RPH3AL: variants seen among roughly 807,000 people sequenced by gnomAD.
RPH3AL encodes the protein rabphilin 3A like (without C2 domains).
In RPH3AL, 38 loss-of-function variants were observed where a neutral mutation model predicts 43.1. The observed-to-expected ratio is 0.88, with a 90% CI of 0.68 to 1.15. The LOEUF is 1.15. Ranked by LOEUF, RPH3AL falls within the 50% of genes most tolerant of loss-of-function variation. The pLI is 0.00. For missense variants in RPH3AL, 462 were observed against 423.2 expected, an observed-to-expected ratio of 1.09 and a Z score of -0.81; for synonymous variants, 189 against 176.3, an observed-to-expected ratio of 1.07 and a Z score of -0.57.
intron 5 of RPH3AL, among the ~76,000 whole-genome samples, chr17:305,501 T>C (rs2043462976): frequency 6.6e-6 from 1 of 152,088 alleles, no homozygotes; most frequent in African/African-American, 2.4e-5. Context: ...ACAGGTCGGT[T>C]CCTTCTCCAC....
chr17:222,831 G>A (rs891052734), intron 7 of RPH3AL, among the ~76,000 whole-genome samples: 2 of 152,020 alleles, frequency 1.3e-5, no homozygotes, highest in African/African-American at 4.8e-5. Context: ...TCTTCCTCTT[G>A]GTTTCCACAG....
In RPH3AL at chr17:323,452, A is replaced by C. The variant is rs962398482; in HGVS notation, c.78-2037T>G. ...ACATGCAGGGGTTCAGGCCCCAAAA[A>C]GCAATATCCCCTCCACAACCCCTAC... On this transcript the variant is annotated intron_variant, in intron 3 of 9. Transcript: ENST00000331302. The surrounding 1 kb of genome is among the most constrained non-coding windows in gnomAD (Gnocchi z 4.4). 5.3e-5 allele frequency among the ~76,000 whole-genome samples: 8 copies of C among 152,142 alleles called. No homozygotes were observed. In the South Asian group the frequency reaches 6.2e-4, roughly 12 times the overall value.
At chr17:285,446 C>G (rs73278949) in intron 5 of RPH3AL, among the ~76,000 whole-genome samples, 5 of 152,066 alleles carry the variant, frequency 3.3e-5, no homozygotes, top group Admixed American at 2.0e-4. Flanking sequence ...GCAACCAGCA[C>G]GTAATAGCGA....
intron 5 of RPH3AL, among the ~76,000 whole-genome samples, chr17:314,061 T>A (rs966934692): frequency 4.6e-5 from 7 of 152,090 alleles, no homozygotes; most frequent in Non-Finnish European, 7.4e-5. Context: ...GGGACCCACA[T>A]CCAGCTGAGG....
chr17:329,246 G>A (rs1468416988), intron 2 of RPH3AL, among the ~76,000 whole-genome samples: 1 of 152,188 alleles, frequency 6.6e-6, no homozygotes. Flanking sequence ...GCCAAGGCAG[G>A]AGGATTGCTT....
rs1253100740 is a variant in RPH3AL at position 283,348 on chromosome 17, G to T, written c.352-1494C>A. Among the ~76,000 whole-genome samples the T allele has an allele frequency of 6.6e-6, 1 of 152,164 alleles. No individual in the cohort carries two copies. Among genetic ancestry groups the T allele is most frequent in the African/African-American group, 2.4e-5 (1 of 41,436 alleles). ...TGGCCGAGCTCAGTGCCCCTGGGGTGGGGGAGCAAACTCACGGGGGACGGA... is the reference window on the plus strand; with the variant it reads ...TGGCCGAGCTCAGTGCCCCTGGGGTTGGGGAGCAAACTCACGGGGGACGGA... On this transcript the variant is annotated intron_variant, in intron 5 of 9. Coordinates refer to ENST00000331302, the MANE Select transcript of RPH3AL (RefSeq NM_006987.4). The surrounding 1 kb of genome is among the most constrained non-coding windows in gnomAD (Gnocchi z 4.2).
rs143228283 is a variant in RPH3AL at position 240,201 on chromosome 17, C to T, written c.613+6910G>A. Among the ~76,000 whole-genome samples the T allele has an allele frequency of 6.5e-3, 955 of 147,380 alleles. 8 individuals are homozygous for T. Among genetic ancestry groups the T allele is most frequent in the African/African-American group, 0.022 (879 of 40,408 alleles). ...GCAGTGAGCTGAGATCATGCCATTGCACTCCAGCCTGGGCAACAAGAGTGA... is the reference window on the plus strand; with the variant it reads ...GCAGTGAGCTGAGATCATGCCATTGTACTCCAGCCTGGGCAACAAGAGTGA... On this transcript the variant is annotated intron_variant, in intron 7 of 9. Transcript: ENST00000331302.
intron 1 of RPH3AL, among the ~76,000 whole-genome samples, chr17:346,001 G>A (rs1411211307): frequency 7.4e-6 from 1 of 135,392 alleles, no homozygotes; most frequent in African/African-American, 2.5e-5. Context: ...GTCTGTCAAT[G>A]ATCAATTAGG....
rs2041727241 is a variant in RPH3AL, at chr17:245,270, T to A, written c.613+1841A>T. 6.6e-6 allele frequency among the ~76,000 whole-genome samples: 1 copy of A among 150,576 alleles called. No individual in the cohort carries two copies. The highest frequency in any genetic ancestry group is 2.4e-5 in the African/African-American group (1 of 40,872). On this transcript the variant is annotated intron_variant, in intron 7 of 9. Transcript: ENST00000331302. The surrounding 1 kb of genome is among the most constrained non-coding windows in gnomAD (Gnocchi z 5.9). ...GAGCATGTGTGTGTGCACGTGGATGTCAGTGTGTGTGTACGTGGGTGTGTG... is the reference window on the plus strand; with the variant it reads ...GAGCATGTGTGTGTGCACGTGGATGACAGTGTGTGTGTACGTGGGTGTGTG...
intron 1 of RPH3AL, among the ~76,000 whole-genome samples, chr17:347,532 C>T (rs560277032): frequency 1.4e-4 from 21 of 151,826 alleles, no homozygotes; most frequent in Admixed American, 3.3e-4. Flanking sequence ...GGCAGGGAGC[C>T]GTGACTGTAC....
chr17:307,079 C>T (rs1040729881), intron 5 of RPH3AL, among the ~76,000 whole-genome samples: 2 of 152,160 alleles, frequency 1.3e-5, no homozygotes, highest in African/African-American at 4.8e-5. Flanking sequence ...TCACCCATGG[C>T]AGGTCCTCCC....
intron 2 of RPH3AL, chr17:331,802 G>A: frequency 7.8e-7 from 1 of 1,289,164 alleles, no homozygotes; most frequent in Non-Finnish European, 1.0e-6. Context: ...CTTAAAAGCA[G>A]GGTCCTGAAA....
rs976369656 is a variant in RPH3AL, at chr17:274,747, G to A, written c.438+7021C>T. Among the ~76,000 whole-genome samples the A allele has an allele frequency of 6.6e-6, 1 of 152,192 alleles. No individual in the cohort carries two copies. The highest frequency in any genetic ancestry group is 6.5e-5 in the Admixed American group (1 of 15,272). Reference sequence around the variant, plus strand: ...ACGCCTTGGAGTCAATCCTGGGTCTGCGGGGCTTAGGCTGCTGCAGAAGCG... The same window carrying A: ...ACGCCTTGGAGTCAATCCTGGGTCTACGGGGCTTAGGCTGCTGCAGAAGCG... On this transcript the variant is annotated intron_variant, in intron 6 of 9. Coordinates refer to ENST00000331302, the MANE Select transcript of RPH3AL (RefSeq NM_006987.4). This position sits in a 1 kb window ranked among gnomAD's most constrained non-coding sequence, Gnocchi z 4.7.
rs1302355150 is a variant in RPH3AL, at chr17:322,062, C to G, written c.78-647G>C. The stretch of plus-strand genomic sequence containing the variant: ...TTGATATGAACACTTTGAAAACTAG[C>G]AGGTTCGAGGCGGGGGGGAAGCGAG... On this transcript the variant is annotated intron_variant, in intron 3 of 9. Coordinates refer to ENST00000331302, the MANE Select transcript of RPH3AL (RefSeq NM_006987.4). This position sits in a 1 kb window ranked among gnomAD's most constrained non-coding sequence, Gnocchi z 4.0. Among the ~76,000 whole-genome samples the G allele has an allele frequency of 6.6e-6, 1 of 152,088 alleles. No homozygotes were observed. Among genetic ancestry groups the G allele is most frequent in the Non-Finnish European group, 1.5e-5 (1 of 68,022 alleles).
Position 213,249 on chromosome 17 carries a change from GT to G in RPH3AL, c.*602del. 6.4e-6 allele frequency: 1 copy of G among 156,446 alleles called. No homozygotes were observed. Among genetic ancestry groups the G allele is most frequent in the Admixed American group, 6.1e-5 (1 of 16,310 alleles). 9.7% of individuals were successfully genotyped at this position (156,446 alleles called of 1,614,324 possible). ...AGCCTGGGCAACAAAGCGAGACTGTGTCAAAAACAAACAAACATACAAAAAC... is the reference window on the plus strand; with the variant it reads ...AGCCTGGGCAACAAAGCGAGACTGTGCAAAAACAAACAAACATACAAAAAC... On this transcript the variant is annotated 3_prime_UTR_variant, in exon 10 of 10. Transcript: ENST00000331302.
chr17:288,641 TCG>T (rs2042973490), intron 5 of RPH3AL, among the ~76,000 whole-genome samples: 1 of 1,804 alleles, frequency 5.5e-4, no homozygotes, highest in African/African-American at 1.9e-3. Flanking sequence ...CCGTCAGACC[TCG>T]CACCCTCTCT....
chr17:316,353 G>A (rs1598107404), intron 5 of RPH3AL, among the ~76,000 whole-genome samples: 1 of 141,082 alleles, frequency 7.1e-6, no homozygotes, highest in Non-Finnish European at 1.5e-5. Flanking sequence ...TGTAGTCTCT[G>A]TGCTCCACCT....
At chr17:346,803 A>G (rs2045245138) in intron 1 of RPH3AL, among the ~76,000 whole-genome samples, 1 of 136,134 alleles carries the variant, frequency 7.3e-6, no homozygotes, top group African/African-American at 2.5e-5. Flanking sequence ...CAAATGGCAA[A>G]CAAGCCAATG....
intron 5 of RPH3AL, among the ~76,000 whole-genome samples, chr17:298,043 A>T (rs1305714563): frequency 6.6e-6 from 1 of 152,068 alleles, no homozygotes; most frequent in Non-Finnish European, 1.5e-5. Context: ...GTCCTCTCCC[A>T]ACCCTCTAGC....
Sources: allele counts gnomAD v4.1 joint callset (sites outside exome capture counted in the v4.1 genomes callset), GRCh38; gene constraint gnomAD v4.1.1; non-coding constraint Gnocchi (gnomAD v3.1); transcripts MANE v1.5; gene names NCBI Gene and HGNC (gene_info 2026-07-23, HGNC 2026-07-21).